Variants in KIF7 observed in about 807,000 individuals in gnomAD.
The protein encoded by KIF7 is kinesin family member 7, also known as kinesin-like protein KIF7.
A neutral mutation model predicts 135.7 loss-of-function variants in KIF7; 104 were observed. That is an observed-to-expected ratio of 0.77 (90% CI 0.65 to 0.90). KIF7 has a LOEUF of 0.90. KIF7 is among the 40% of genes least tolerant of loss of function. The probability of loss-of-function intolerance (pLI) is 0.00; values close to 1 mark genes in which losing one functional copy is unlikely to be tolerated. For missense variants in KIF7, 2,005 were observed against 1,839.1 expected (o/e 1.09, Z -1.65); for synonymous variants, 883 against 809.4 (o/e 1.09, Z -1.54).
At chr15:89,640,931 A>C (rs924505823) in intron 11 of KIF7, among the ~76,000 whole-genome samples, 2 of 152,024 alleles carry the variant, frequency 1.3e-5, no homozygotes, top group African/African-American at 4.8e-5. Flanking sequence ...TGAACCCAGG[A>C]GGCGGAGGTT....
intron 1 of KIF7, chr15:89,619,626 AT>A: frequency 1.3e-6 from 2 of 1,493,414 alleles, no homozygotes; most frequent in Non-Finnish European, 1.8e-6. Flanking sequence ...TACTATGTAA[AT>A]TTTGCCCGGT....
chr15:89,620,950 C>CT (rs1439959512), intron 1 of KIF7, among the ~76,000 whole-genome samples: 1 of 151,504 alleles, frequency 6.6e-6, no homozygotes, highest in Non-Finnish European at 1.5e-5. Flanking sequence ...TCTCGATCTC[C>CT]GACTTAGTGA....
intron 13 of KIF7, 32 bp downstream of exon 13, chr15:89,633,109 G>A (rs1031013140): frequency 2.1e-5 from 34 of 1,601,336 alleles, no homozygotes; most frequent in Non-Finnish European, 2.6e-5. Context: ...GCCCCCAGGG[G>A]AGCCCTGGGT....
At chr15:89,655,212 G>A (rs947373384) in intron 1 of KIF7, among the ~76,000 whole-genome samples, 187 bp downstream of exon 1, 1 of 152,186 alleles carries the variant, frequency 6.6e-6, no homozygotes, top group Non-Finnish European at 1.5e-5. Flanking sequence ...AGACGGCGCC[G>A]GCCAGTCCAA....
intron 16 of KIF7, 62 bp from the exon 17 acceptor site, chr15:89,629,635 C>G (rs1282526226): frequency 5.6e-6 from 9 of 1,594,780 alleles, no homozygotes; most frequent in African/African-American, 1.3e-5. Flanking sequence ...AGCTAATCCT[C>G]AATCACAGAC....
chr15:89,633,956 C>A (rs1056613091), intron 11 of KIF7, 73 bp from the exon 12 acceptor site: 23 of 1,542,244 alleles, frequency 1.5e-5, no homozygotes, highest in Non-Finnish European at 2.0e-5. Context: ...GGGCACTCAA[C>A]AAGGGCAGGC....
Position 89,649,918 on chromosome 15 carries a change from C to T in KIF7, c.352G>A (p.Gly118Ser). The change falls in exon 3 of 19, where the codon GGC (glycine) becomes AGC (serine). Residue 118 changes from glycine (G) to serine (S), a missense_variant. By Grantham distance (56) the Gly-to-Ser change is moderately conservative. Coordinates refer to ENST00000394412, the MANE Select transcript of KIF7 (RefSeq NM_198525.3). The stretch of plus-strand genomic sequence containing the variant: ...TCGGCCATGGCCCTCGGGACAATGC[C>T]CTGCTCATCCTCAAGGAGGGAGGCT... The part of the protein sequence containing the change: ...SVASLLEDEQ[G>S]IVPRAMAEAF... 2 of 1,551,502 alleles carry T rather than the reference C, an allele frequency of 1.3e-6. No homozygotes were observed. The highest frequency in any genetic ancestry group is 1.7e-6 in the Non-Finnish European group (2 of 1,146,984).
At chr15:89,618,832 TC>T (rs1289850806) in intron 1 of KIF7, among the ~76,000 whole-genome samples, 2 of 152,186 alleles carry the variant, frequency 1.3e-5, no homozygotes, top group Non-Finnish European at 2.9e-5. Context: ...GTTGGCATAC[TC>T]CTATGGTCCC....
At chr15:89,652,506 C>G in intron 2 of KIF7, 97 bp downstream of exon 2, 1 of 970,266 alleles carries the variant, frequency 1.0e-6, no homozygotes, top group Non-Finnish European at 1.5e-6. Context: ...AGCATCCCCA[C>G]CTTCCACAGA....
chr15:89,630,509 C>A lies in KIF7; in HGVS notation c.3112-16G>T, dbSNP rs771009677. The A allele has an allele frequency of 6.5e-7, 1 of 1,542,538 alleles. No individual in the cohort carries two copies. Among genetic ancestry groups the A allele is most frequent in the Non-Finnish European group, 8.8e-7 (1 of 1,142,398 alleles). On this transcript the variant is annotated splice_polypyrimidine_tract_variant and intron_variant, in intron 15 of 18. Coordinates refer to ENST00000394412, the MANE Select transcript of KIF7 (RefSeq NM_198525.3). Reference sequence around the variant, plus strand: ...TCCGCTCCTCCTGCAGAGACGGGCACGCGTGGAGGAACAGCACCCACTGCC... The same window carrying A: ...TCCGCTCCTCCTGCAGAGACGGGCAAGCGTGGAGGAACAGCACCCACTGCC...
At chr15:89,647,172 G>A in intron 6 of KIF7, 115 bp from the exon 7 acceptor site, 1 of 897,354 alleles carries the variant, frequency 1.1e-6, no homozygotes, top group Non-Finnish European at 1.8e-6. Context: ...AAAATGAGGA[G>A]TGTCAAATAC....
downstream of KIF7, chr15:89,624,569 C>T: frequency 1.2e-6 from 2 of 1,613,908 alleles, no homozygotes; most frequent in South Asian, 1.1e-5. Context: ...CCCACAGACT[C>T]TAGAGATGAC....
At chr15:89,657,411 A>C (rs1053207677), upstream of KIF7, among the ~76,000 whole-genome samples, 1 of 152,150 alleles carries the variant, frequency 6.6e-6, no homozygotes, top group Non-Finnish European at 1.5e-5. Context: ...TGTTACAATA[A>C]ATTTTTAAAG....
intron 4 of KIF7, 89 bp downstream of exon 4, chr15:89,648,885 G>A: frequency 6.8e-7 from 1 of 1,463,052 alleles, no homozygotes; most frequent in Non-Finnish European, 9.0e-7. Context: ...GGAGACCTCA[G>A]GGGACCTGGG....
intron 14 of KIF7, 117 bp downstream of exon 14, chr15:89,632,703 G>T: frequency 8.9e-7 from 1 of 1,124,136 alleles, no homozygotes; most frequent in Non-Finnish European, 1.3e-6. Flanking sequence ...ACCTCACTTT[G>T]CTAGACCTCA....
Position 89,646,997 on chromosome 15 carries a change from C to G in KIF7, c.1621G>C (p.Val541Leu). The change falls in exon 7 of 19, where the codon GTG becomes CTG. Residue 541 changes from valine (V) to leucine (L), a missense_variant. Physicochemically the swap from Val to Leu is conservative, Grantham distance 32. Coordinates refer to ENST00000394412, the MANE Select transcript of KIF7 (RefSeq NM_198525.3). ...MVELRLRLEL[V>L]RPGWGGPRLL... ...CGCGGGCCCCCCCAGCCTGGCCGCA[C>G]CAGCTCTAACCGCAGCCGCAGTTCC... The G allele has an allele frequency of 1.2e-6, 2 of 1,612,666 alleles. No individual in the cohort carries two copies. Among genetic ancestry groups the G allele is most frequent in the Non-Finnish European group, 1.7e-6 (2 of 1,179,572 alleles).
Position 89,643,451 on chromosome 15 carries a change from G to A in KIF7, c.2192-1046C>T, listed in dbSNP as rs917252197. Among the ~76,000 whole-genome samples the A allele has an allele frequency of 4.6e-5, 7 of 152,086 alleles. No individual in the cohort carries two copies. The East Asian group carries it at 7.7e-4, about 17-fold the overall frequency. The stretch of plus-strand genomic sequence containing the variant: ...AGCATCCACAGATTTTGGCATTCAC[G>A]GGGTCCTGGAACCAATCCCACATAG... On this transcript the variant is annotated intron_variant, in intron 10 of 18. Transcript: ENST00000394412.
chr15:89,642,056 T>A, intron 11 of KIF7, 147 bp downstream of exon 11: 1 of 827,766 alleles, frequency 1.2e-6, no homozygotes, highest in Non-Finnish European at 1.9e-6. Context: ...CCAGCTTCTA[T>A]ACCAGCCTCA....
the KIF7 span, among the ~76,000 whole-genome samples, chr15:89,660,861 T>C: frequency 6.6e-6 from 1 of 152,146 alleles, no homozygotes; most frequent in African/African-American, 2.4e-5. Flanking sequence ...GCTCCAGTGA[T>C]CTGTTGTGAG....
Sources: gnomAD v4.1 joint callset for allele counts (sites outside exome capture counted in the v4.1 genomes callset) on GRCh38, gnomAD v4.1.1 for gene constraint, MANE v1.5 for transcripts, NCBI Gene and HGNC (gene_info 2026-07-23, HGNC 2026-07-21) for gene names.